Variants in CHST11 observed in about 807,000 individuals in gnomAD.
CHST11 encodes C4S-1.
In CHST11, 9 loss-of-function variants were observed where a neutral mutation model predicts 30.4. The ratio of observed to expected loss-of-function variants is 0.30; its 90% confidence interval spans 0.18 to 0.52. The LOEUF (loss-of-function observed/expected upper bound fraction) is 0.52. Ranked by LOEUF, CHST11 falls within the 20% of genes least tolerant of loss-of-function variation. The probability of loss-of-function intolerance (pLI) is 0.97; values close to 1 mark genes in which losing one functional copy is unlikely to be tolerated. For synonymous variants in CHST11, 152 were observed against 187.8 expected, an observed-to-expected ratio of 0.81 and a Z score of 1.56; for missense variants, 348 against 460.6, an observed-to-expected ratio of 0.76 and a Z score of 2.24.
chr12:104,573,983 G>C (rs1465240432), intron 1 of CHST11, among the ~76,000 whole-genome samples: 1 of 152,120 alleles, frequency 6.6e-6, no homozygotes, highest in Non-Finnish European at 1.5e-5. Context: ...CTAATATCCA[G>C]AATCTACAAT....
chr12:104,478,893 TA>T (rs2037590561), intron 1 of CHST11, among the ~76,000 whole-genome samples: 1 of 152,070 alleles, frequency 6.6e-6, no homozygotes, highest in Non-Finnish European at 1.5e-5. Context: ...TCTTAACACA[TA>T]GTGGGAGAGG....
intron 2 of CHST11, among the ~76,000 whole-genome samples, chr12:104,626,163 T>C (rs2039213048): frequency 6.6e-6 from 1 of 152,224 alleles, no homozygotes; most frequent in Admixed American, 6.5e-5. Flanking sequence ...TGTGGGTTCC[T>C]TTTACAATGT....
intron 2 of CHST11, among the ~76,000 whole-genome samples, chr12:104,700,713 A>G (rs1268379235): frequency 6.6e-6 from 1 of 152,194 alleles, no homozygotes; most frequent in Non-Finnish European, 1.5e-5. Context: ...CACCTACTCT[A>G]TGCCAGGTAT....
intron 2 of CHST11, among the ~76,000 whole-genome samples, chr12:104,708,102 C>T (rs1414676558): frequency 6.6e-6 from 1 of 152,230 alleles, no homozygotes; most frequent in Non-Finnish European, 1.5e-5. Flanking sequence ...ATTGTCGGGC[C>T]ATGTTCAGAT....
intron 2 of CHST11, among the ~76,000 whole-genome samples, chr12:104,679,875 G>T (rs2039778061): frequency 6.6e-6 from 1 of 152,180 alleles, no homozygotes; most frequent in Non-Finnish European, 1.5e-5. Flanking sequence ...TGGCGGCCCT[G>T]ACTGTCCAGA....
chr12:104,622,614 G>A (rs1241985370), intron 2 of CHST11, among the ~76,000 whole-genome samples: 2 of 152,170 alleles, frequency 1.3e-5, no homozygotes, highest in African/African-American at 2.4e-5. Flanking sequence ...AAACCTGAAC[G>A]TCGAGCCTAG....
rs546791355 is a variant in CHST11 at position 104,632,949 on chromosome 12, C to T, written c.204+30958C>T. On this transcript the variant is annotated intron_variant, in intron 2 of 2. Transcript: ENST00000303694. ...GGTGAGGGAAGGTGTTGGTGAAACGCTTGTGGTTCTCAGGGGCCCTGGGAA... is the reference window on the plus strand; with the variant it reads ...GGTGAGGGAAGGTGTTGGTGAAACGTTTGTGGTTCTCAGGGGCCCTGGGAA... 1.7e-3 allele frequency among the ~76,000 whole-genome samples: 262 copies of T among 152,346 alleles called. 2 individuals are homozygous for T. Among genetic ancestry groups the T allele is most frequent in the African/African-American group, 6.1e-3 (252 of 41,588 alleles).
Position 104,545,603 on chromosome 12 carries a change from C to G in CHST11, c.119-56303C>G, listed in dbSNP as rs1296720248. Among the ~76,000 whole-genome samples the G allele has an allele frequency of 3.3e-5, 5 of 152,252 alleles. No homozygotes were observed. In the East Asian group the frequency reaches 5.8e-4, roughly 18 times the overall value. On this transcript the variant is annotated intron_variant, in intron 1 of 2. Transcript: ENST00000303694. ...TGTACCAGGTTCCATAAAGATGATG[C>G]CTTGGTCAGCTCAGGCTGCTGTAAC...
intron 2 of CHST11, among the ~76,000 whole-genome samples, chr12:104,751,265 G>T (rs1307152856): frequency 6.6e-6 from 1 of 152,202 alleles, no homozygotes; most frequent in African/African-American, 2.4e-5. Flanking sequence ...TGATGAGGGG[G>T]AGATCCCCTT....
intron 2 of CHST11, among the ~76,000 whole-genome samples, chr12:104,657,843 A>G (rs1019705490): frequency 6.6e-6 from 1 of 152,142 alleles, no homozygotes; most frequent in African/African-American, 2.4e-5. Flanking sequence ...ACCTTGCTCA[A>G]TAAGCATCTG....
At position 104,756,527 on chromosome 12, in the gene CHST11, T is replaced by C. The variant is rs906270490; in HGVS notation, c.205-422T>C. ...TTATACATCATGAGGTCTGGATCCATGTGGGGTGTGTGTGTGTGTGTGTGT... is the reference window on the plus strand; with the variant it reads ...TTATACATCATGAGGTCTGGATCCACGTGGGGTGTGTGTGTGTGTGTGTGT... On this transcript the variant is annotated intron_variant, in intron 2 of 2. Coordinates refer to ENST00000303694, the MANE Select transcript of CHST11 (RefSeq NM_018413.6). Among the ~76,000 whole-genome samples the C allele has an allele frequency of 1.5e-4, 8 of 52,924 alleles. No individual in the cohort carries two copies. In the South Asian group the frequency reaches 3.8e-3, roughly 25 times the overall value. The allele number at this position is 52,924 out of a possible 152,430, so 34.7% of individuals were successfully genotyped here.
chr12:104,714,923 C>T (rs1463609185), intron 2 of CHST11, among the ~76,000 whole-genome samples: 9 of 152,172 alleles, frequency 5.9e-5, no homozygotes, highest in South Asian at 4.1e-4. Context: ...CCTAATGTTC[C>T]GATCCAGACC....
At chr12:104,564,291 A>T (rs1329704522) in intron 1 of CHST11, among the ~76,000 whole-genome samples, 1 of 152,180 alleles carries the variant, frequency 6.6e-6, no homozygotes, top group Non-Finnish European at 1.5e-5. Context: ...TTGGGTGTAG[A>T]TCCCACTTTG....
At chr12:104,514,670 T>A (rs2038004239) in intron 1 of CHST11, among the ~76,000 whole-genome samples, 1 of 152,106 alleles carries the variant, frequency 6.6e-6, no homozygotes, top group South Asian at 2.1e-4. Context: ...AACTGGCTTA[T>A]CACATGGTGA....
At chr12:104,517,536 A>G (rs1189001917) in intron 1 of CHST11, among the ~76,000 whole-genome samples, 1 of 152,168 alleles carries the variant, frequency 6.6e-6, no homozygotes, top group Non-Finnish European at 1.5e-5. Context: ...GTTAAGTTGC[A>G]GGTTGTGATT....
At chr12:104,554,095 G>T (rs1432355311) in intron 1 of CHST11, among the ~76,000 whole-genome samples, 3 of 152,144 alleles carry the variant, frequency 2.0e-5, no homozygotes, top group Non-Finnish European at 4.4e-5. Context: ...GATGGCACAA[G>T]GGACGTTATA....
intron 1 of CHST11, among the ~76,000 whole-genome samples, chr12:104,569,008 G>T (rs2038597383): frequency 6.6e-6 from 1 of 152,082 alleles, no homozygotes; most frequent in Non-Finnish European, 1.5e-5. Flanking sequence ...TTGCTCTCAT[G>T]TATTAGCTCA....
chr12:104,697,123 C>G (rs973820241), intron 2 of CHST11, among the ~76,000 whole-genome samples: 1 of 152,208 alleles, frequency 6.6e-6, no homozygotes, highest in African/African-American at 2.4e-5. Flanking sequence ...ATAAGTGTGT[C>G]CCTATAGTGT....
chr12:104,532,058 C>T (rs2038190624), intron 1 of CHST11, among the ~76,000 whole-genome samples: 2 of 152,306 alleles, frequency 1.3e-5, no homozygotes, highest in South Asian at 4.1e-4. Flanking sequence ...TGCTCTTAAT[C>T]CCCACATCAT....
Sources: allele counts gnomAD v4.1 joint callset (sites outside exome capture counted in the v4.1 genomes callset), GRCh38; gene constraint gnomAD v4.1.1; transcripts MANE v1.5; gene names NCBI Gene and HGNC (gene_info 2026-07-23, HGNC 2026-07-21).